Variants in ATP6V1H observed in about 807,000 individuals in gnomAD.
The protein encoded by ATP6V1H is V-type proton ATPase subunit H.
In ATP6V1H, 39 loss-of-function variants were observed where a neutral mutation model predicts 71.7. The ratio of observed to expected loss-of-function variants is 0.54; its 90% confidence interval spans 0.42 to 0.71. The LOEUF (loss-of-function observed/expected upper bound fraction) is 0.71, where lower values mean the gene tolerates loss of function less well. ATP6V1H is among the 30% of genes least tolerant of loss of function. The pLI, the probability that ATP6V1H is intolerant of heterozygous loss-of-function variation, is 0.00. For synonymous variants in ATP6V1H, 192 were observed against 199.3 expected, an observed-to-expected ratio of 0.96 and a Z score of 0.31; for missense variants, 509 against 594.9, an observed-to-expected ratio of 0.86 and a Z score of 1.50.
chr8:53,788,331 A>G (rs1366203329), intron 9 of ATP6V1H, among the ~76,000 whole-genome samples: 1 of 152,206 alleles, frequency 6.6e-6, no homozygotes, highest in Non-Finnish European at 1.5e-5. Flanking sequence ...ATTAAATTCT[A>G]TGCATTATAA....
At chr8:53,733,883 T>A (rs534998852) in intron 13 of ATP6V1H, among the ~76,000 whole-genome samples, 1 of 152,130 alleles carries the variant, frequency 6.6e-6, no homozygotes, top group Non-Finnish European at 1.5e-5. Context: ...TTACACTATA[T>A]GCATCAGAGA....
chr8:53,756,423 A>G, intron 12 of ATP6V1H, 132 bp downstream of exon 12: 1 of 656,324 alleles, frequency 1.5e-6, no homozygotes, highest in Non-Finnish European at 2.6e-6. Context: ...AATTCTCACT[A>G]TTGTGGCAAT....
chr8:53,740,899 A>G (rs951646284), intron 13 of ATP6V1H, among the ~76,000 whole-genome samples: 1 of 152,334 alleles, frequency 6.6e-6, no homozygotes, highest in African/African-American at 2.4e-5. Context: ...ACAGAAATTT[A>G]TAAGTCACAA....
intron 12 of ATP6V1H, among the ~76,000 whole-genome samples, chr8:53,755,037 A>C (rs1205988417): frequency 6.6e-6 from 1 of 152,148 alleles, no homozygotes. Flanking sequence ...TTTTTCAGTA[A>C]GGTTAAAGGG....
At chr8:53,800,501 T>C (rs1809875867) in intron 8 of ATP6V1H, among the ~76,000 whole-genome samples, 1 of 152,220 alleles carries the variant, frequency 6.6e-6, no homozygotes, top group Admixed American at 6.5e-5. Context: ...GTCAAATAAG[T>C]GAAATCTTAA....
chr8:53,766,674 C>A (rs1808480144), intron 11 of ATP6V1H, among the ~76,000 whole-genome samples: 1 of 152,052 alleles, frequency 6.6e-6, no homozygotes, highest in African/African-American at 2.4e-5. Flanking sequence ...CTGAACTGGC[C>A]CCCCCAGGGT....
chr8:53,791,090 C>T (rs1809550712), intron 9 of ATP6V1H, among the ~76,000 whole-genome samples: 1 of 151,932 alleles, frequency 6.6e-6, no homozygotes, highest in African/African-American at 2.4e-5. Flanking sequence ...AAGGGAGAAA[C>T]TCAAAACTAA....
chr8:53,832,455 A>T (rs1357579676), intron 3 of ATP6V1H: 3 of 152,146 alleles, frequency 2.0e-5, no homozygotes, highest in Non-Finnish European at 4.4e-5. Context: ...AAAGGAAACT[A>T]TGTTTGCTAT....
At chr8:53,772,917 A>AC (rs1311482899) in intron 9 of ATP6V1H, among the ~76,000 whole-genome samples, 2 of 151,552 alleles carry the variant, frequency 1.3e-5, no homozygotes, top group Non-Finnish European at 1.5e-5. Flanking sequence ...AAAAAAAAAA[A>AC]AAAAACAAAA....
chr8:53,766,396 G>T (rs1031986219), intron 11 of ATP6V1H, among the ~76,000 whole-genome samples: 4 of 152,144 alleles, frequency 2.6e-5, no homozygotes, highest in Non-Finnish European at 4.4e-5. Context: ...TATCGTCTCA[G>T]GACCCTGTAA....
At chr8:53,785,743 T>C (rs988921077) in intron 9 of ATP6V1H, among the ~76,000 whole-genome samples, 3 of 152,232 alleles carry the variant, frequency 2.0e-5, no homozygotes, top group African/African-American at 7.2e-5. Context: ...TGTTTGTTAG[T>C]TTTCCTTCTA....
chr8:53,725,467 A>G (rs973460650), intron 13 of ATP6V1H, among the ~76,000 whole-genome samples: 2 of 150,266 alleles, frequency 1.3e-5, no homozygotes, highest in African/African-American at 4.9e-5. Flanking sequence ...AAACAAAGAC[A>G]CTTTGCTCAG....
chr8:53,804,752 T>C (rs1385801431), intron 7 of ATP6V1H, among the ~76,000 whole-genome samples: 1 of 152,232 alleles, frequency 6.6e-6, no homozygotes, highest in Non-Finnish European at 1.5e-5. Context: ...GTATTCTTTG[T>C]ACTGTGCCAA....
At chr8:53,827,061 A>G (rs916337524) in intron 4 of ATP6V1H, among the ~76,000 whole-genome samples, 1 of 151,956 alleles carries the variant, frequency 6.6e-6, no homozygotes, top group Non-Finnish European at 1.5e-5. Flanking sequence ...TGACTTTTGG[A>G]AACATGTTAA....
Position 53,772,011 on chromosome 8 carries a change from C to T in ATP6V1H, c.1027G>A (p.Gly343Arg), listed in dbSNP as rs760081773. ...CACCTAAGGTCCTGGACACTCTCTC[C>T]AAGTTTTTCCAAAAGAAATTTGATA... ...EDIKFLLEKL[G>R]ESVQDLSSFD... Residue 343 changes from glycine (G) to arginine (R), a missense_variant, in exon 10 of 14, where the codon GGA becomes AGA. Around this residue, in one of 2 missense-constraint regions of ATP6V1H, gnomAD observed 212 missense variants for 291.6 expected, o/e 0.73. Coordinates refer to ENST00000359530, the MANE Select transcript of ATP6V1H (RefSeq NM_015941.4). The T allele has an allele frequency of 1.1e-5, 17 of 1,613,886 alleles. No homozygotes were observed. The highest frequency in any genetic ancestry group is 1.4e-5 in the Non-Finnish European group (17 of 1,179,952).
chr8:53,775,226 G>A (rs552715028), intron 9 of ATP6V1H, among the ~76,000 whole-genome samples: 94 of 152,250 alleles, frequency 6.2e-4, no homozygotes, highest in Non-Finnish European at 9.8e-4. Flanking sequence ...TCATGGTCTC[G>A]CTGGCTCAGG....
At chr8:53,771,011 A>C (rs1363040626) in intron 10 of ATP6V1H, among the ~76,000 whole-genome samples, 3 of 152,248 alleles carry the variant, frequency 2.0e-5, no homozygotes, top group African/African-American at 7.2e-5. Context: ...TCTCTGGGAA[A>C]TCTTTGGGCC....
chr8:53,828,408 A>G (rs1175465098), intron 4 of ATP6V1H, among the ~76,000 whole-genome samples: 4 of 152,184 alleles, frequency 2.6e-5, no homozygotes, highest in Non-Finnish European at 5.9e-5. Flanking sequence ...TAATTTATAG[A>G]TATGAGCATA....
chr8:53,812,908 T>G (rs993941005), intron 6 of ATP6V1H, among the ~76,000 whole-genome samples: 1 of 152,130 alleles, frequency 6.6e-6, no homozygotes, highest in African/African-American at 2.4e-5. Flanking sequence ...TTGCCCAGGC[T>G]GGTCTCAAAC....
Sources: gnomAD v4.1 joint callset for allele counts (sites outside exome capture counted in the v4.1 genomes callset) on GRCh38, gnomAD v4.1.1 for gene constraint, gnomAD v4.1.1 regional missense constraint, MANE v1.5 for transcripts, NCBI Gene and HGNC (gene_info 2026-07-23, HGNC 2026-07-21) for gene names.